The following AZIN2 variants were observed in gnomAD, a reference collection of about 807,000 sequenced individuals.
The protein encoded by AZIN2 is antizyme inhibitor 2.
Under a neutral mutation model 47.8 loss-of-function variants are expected in AZIN2, and 28 were observed. The observed-to-expected ratio is 0.59, with a 90% CI of 0.43 to 0.80. The LOEUF (loss-of-function observed/expected upper bound fraction) is 0.80, where lower values mean the gene tolerates loss of function less well. Ranked by LOEUF, AZIN2 falls within the 30% of genes least tolerant of loss-of-function variation. AZIN2 has a pLI of 0.00. For missense variants in AZIN2, 535 were observed against 582.5 expected, an observed-to-expected ratio of 0.92 and a Z score of 0.84; for synonymous variants, 221 against 239.4, an observed-to-expected ratio of 0.92 and a Z score of 0.71.
intron 7 of AZIN2, among the ~76,000 whole-genome samples, chr1:33,094,306 C>T (rs1470402161): frequency 6.6e-6 from 1 of 152,204 alleles, no homozygotes; most frequent in East Asian, 1.9e-4. Context: ...TCCTGGCTCT[C>T]ATCCCAGAAG....
chr1:33,130,471 A>G, the AZIN2 span, among the ~76,000 whole-genome samples: 38 of 152,290 alleles, frequency 2.5e-4, no homozygotes, highest in East Asian at 7.7e-4. Flanking sequence ...GGGTAGGTCT[A>G]TGTGTCAAAG....
At position 33,081,154 on chromosome 1, in the gene AZIN2, C is replaced by G. The variant is rs892373273; in HGVS notation, c.-546C>G. On this transcript the variant is annotated 5_prime_UTR_variant, in exon 1 of 12. Coordinates refer to ENST00000294517, the MANE Select transcript of AZIN2 (RefSeq NM_052998.4). This position sits in a 1 kb window ranked among gnomAD's most constrained non-coding sequence, Gnocchi z 4.2. ...AGCCAGCGGCGGGCGGAAGGCGGGG[C>G]GTGGGGGTCTGTGGCTGCTGGGCTG... 2.7e-5 allele frequency: 4 copies of G among 150,938 alleles called. No individual in the cohort carries two copies. Among genetic ancestry groups the G allele is most frequent in the African/African-American group, 1.0e-4 (4 of 39,722 alleles). 9.3% of individuals were successfully genotyped at this position (150,938 alleles called of 1,614,324 possible).
intron 9 of AZIN2, 97 bp downstream of exon 9, chr1:33,096,966 T>TG (rs1643223670): frequency 7.6e-6 from 11 of 1,449,370 alleles, no homozygotes; most frequent in Non-Finnish European, 1.0e-5. Context: ...TGGCAGAGGA[T>TG]GGGGGAATCT....
At chr1:33,137,582 TAAG>T in the AZIN2 span, among the ~76,000 whole-genome samples, 1 of 152,126 alleles carries the variant, frequency 6.6e-6, no homozygotes, top group African/African-American at 2.4e-5. Flanking sequence ...GTATAATTGG[TAAG>T]AAGACTGAGA....
At chr1:33,147,938 G>T in the AZIN2 span, among the ~76,000 whole-genome samples, 1 of 152,206 alleles carries the variant, frequency 6.6e-6, no homozygotes, top group Non-Finnish European at 1.5e-5. The surrounding 1 kb of genome is among the most constrained non-coding windows in gnomAD (Gnocchi z 8.1). Flanking sequence ...GATATTGTCT[G>T]CAGGGGAGCA....
Position 33,118,070 on chromosome 1 carries a change from G to C in AZIN2, c.1198G>C (p.Gly400Arg). ...YTVGMGSPFW[G>R]TQACHITYAM... is the part of the protein sequence containing the mutation. Reference sequence around the variant, plus strand: ...TGTGGGCATGGGTTCCCCCTTTTGGGGGACCCAGGCCTGCCACATCACCTA... The same window carrying C: ...TGTGGGCATGGGTTCCCCCTTTTGGCGGACCCAGGCCTGCCACATCACCTA... Residue 400 changes from glycine (G) to arginine (R), a missense_variant, in exon 11 of 12, where the codon GGG (glycine) becomes CGG (arginine). Physicochemically the swap from Gly to Arg is moderately radical, Grantham distance 125. Around this residue, in one of 3 missense-constraint regions of AZIN2, gnomAD observed 122 missense variants for 135.8 expected, o/e 0.90. Coordinates refer to ENST00000294517, the MANE Select transcript of AZIN2 (RefSeq NM_052998.4). The C allele has an allele frequency of 3.3e-6, 5 of 1,525,222 alleles. No homozygotes were observed. Among genetic ancestry groups the C allele is most frequent in the Non-Finnish European group, 4.4e-6 (5 of 1,140,456 alleles). 94.5% of individuals were successfully genotyped at this position (1,525,222 alleles called of 1,614,324 possible).
chr1:33,089,362 C>A (rs530963406), intron 5 of AZIN2, among the ~76,000 whole-genome samples: 1 of 152,286 alleles, frequency 6.6e-6, no homozygotes, highest in Admixed American at 6.5e-5. Flanking sequence ...CTCTGGGAGG[C>A]CAAGGCAGGA....
At chr1:33,084,202 G>T (rs1413754404) in intron 5 of AZIN2, 75 bp downstream of exon 5, 2 of 1,564,122 alleles carry the variant, frequency 1.3e-6, no homozygotes, top group East Asian at 4.5e-5. Flanking sequence ...GTCCAGGTGG[G>T]CTCTGGGGAG....
intron 10 of AZIN2, among the ~76,000 whole-genome samples, chr1:33,111,895 G>A (rs659746): frequency 0.31 from 47,798 of 151,858 alleles, 7,885 homozygotes; most frequent in African/African-American, 0.41. Context: ...GAACCACGGC[G>A]CCCGGCCTGA....
Position 33,098,342 on chromosome 1 carries a change from G to C in AZIN2, c.1029+163G>C, listed in dbSNP as rs16835245. 6.5e-3 allele frequency among the ~76,000 whole-genome samples: 989 copies of C among 152,342 alleles called. 12 individuals carry two copies. Among genetic ancestry groups the C allele is most frequent in the African/African-American group, 0.023 (951 of 41,574 alleles). On this transcript the variant is annotated intron_variant, in intron 10 of 11. Transcript: ENST00000294517. ...CCCATAATCCCACCACACTCTTTGA[G>C]CATTACATATTTTAAAAAATGCCTT...
At chr1:33,090,620 A>G (rs191014259) in intron 5 of AZIN2, among the ~76,000 whole-genome samples, 2 of 152,344 alleles carry the variant, frequency 1.3e-5, no homozygotes, top group East Asian at 1.9e-4. Flanking sequence ...GGTGTACAAC[A>G]TGATGTTTTG....
intron 10 of AZIN2, among the ~76,000 whole-genome samples, chr1:33,114,413 G>C (rs201854567): frequency 1.3e-5 from 2 of 149,120 alleles, no homozygotes; most frequent in East Asian, 3.9e-4. Flanking sequence ...GAGTGCAGTG[G>C]CGCAATCTCG....
intron 6 of AZIN2, 107 bp downstream of exon 6, chr1:33,092,329 G>A: frequency 9.4e-7 from 1 of 1,058,590 alleles, no homozygotes; most frequent in Non-Finnish European, 1.3e-6. Context: ...CTGAGGGAAG[G>A]CTGGGCTTCA....
chr1:33,163,626 C>T, the AZIN2 span: 1 of 152,296 alleles, frequency 6.6e-6, no homozygotes, highest in Admixed American at 6.5e-5. Flanking sequence ...TTGGAACACC[C>T]TAGGGCCTGG....
the AZIN2 span, among the ~76,000 whole-genome samples, chr1:33,154,669 G>T: frequency 6.6e-6 from 1 of 151,694 alleles, no homozygotes. Context: ...GCAGTGGCGT[G>T]TGCCTGTAAT....
At chr1:33,124,203 G>A (rs974833654), downstream of AZIN2, among the ~76,000 whole-genome samples, 3 of 151,900 alleles carry the variant, frequency 2.0e-5, no homozygotes, top group African/African-American at 7.3e-5. The surrounding 1 kb of genome is among the most constrained non-coding windows in gnomAD (Gnocchi z 4.6). Flanking sequence ...AAGAAAATGG[G>A]TATAAAGTAC....
chr1:33,141,395 T>C, the AZIN2 span, among the ~76,000 whole-genome samples: 5 of 152,126 alleles, frequency 3.3e-5, no homozygotes, highest in Non-Finnish European at 5.9e-5. Flanking sequence ...GACACTTGAG[T>C]ACTCATCTCA....
intron 5 of AZIN2, among the ~76,000 whole-genome samples, chr1:33,086,405 G>A (rs1641904852): frequency 6.6e-6 from 1 of 152,158 alleles, no homozygotes; most frequent in South Asian, 2.1e-4. Flanking sequence ...AGTGATGGAT[G>A]CCCTCAGCCA....
the AZIN2 span, among the ~76,000 whole-genome samples, chr1:33,157,031 C>T: frequency 2.0e-5 from 3 of 149,640 alleles, no homozygotes; most frequent in Non-Finnish European, 4.5e-5. Context: ...CCATCCTTCA[C>T]CCCCTTCGGT....
Sources: allele counts gnomAD v4.1 joint callset (sites outside exome capture counted in the v4.1 genomes callset), GRCh38; gene constraint gnomAD v4.1.1; regional missense constraint gnomAD v4.1.1; non-coding constraint Gnocchi (gnomAD v3.1); transcripts MANE v1.5; gene names NCBI Gene and HGNC (gene_info 2026-07-23, HGNC 2026-07-21).